The following SLC4A4 variants were observed in gnomAD, a reference collection of about 807,000 sequenced individuals.
SLC4A4 encodes the protein solute carrier family 4 member 4, also known as electrogenic sodium bicarbonate cotransporter 1.
Under a neutral mutation model 111.5 loss-of-function variants are expected in SLC4A4, and 27 were observed. The ratio of observed to expected loss-of-function variants is 0.24; its 90% CI spans 0.18 to 0.33. SLC4A4 has a LOEUF of 0.33. Among genes scored for constraint, SLC4A4 ranks in the 10% least tolerant of loss-of-function variants. SLC4A4 has a pLI of 1.00. For synonymous variants in SLC4A4, 443 were observed against 463.4 expected (o/e 0.96, Z 0.57); for missense variants, 909 against 1,315.5 (o/e 0.69, Z 4.78).
chr4:71,452,790 C>G (rs1159856764), intron 11 of SLC4A4, among the ~76,000 whole-genome samples: 1 of 152,182 alleles, frequency 6.6e-6, no homozygotes, highest in Non-Finnish European at 1.5e-5. Flanking sequence ...TTAGTTCCTT[C>G]AGGTCCTTAC....
intron 1 of SLC4A4, among the ~76,000 whole-genome samples, chr4:71,078,705 C>T (rs1741913217): frequency 6.6e-6 from 1 of 152,100 alleles, no homozygotes; most frequent in Non-Finnish European, 1.5e-5. Flanking sequence ...CATCTGAGTG[C>T]TAGGAAGGGC....
At chr4:71,192,079 C>T (rs775154859) in intron 1 of SLC4A4, among the ~76,000 whole-genome samples, 12 of 152,102 alleles carry the variant, frequency 7.9e-5, no homozygotes, top group Non-Finnish European at 1.5e-4. Context: ...ATATTGAAGA[C>T]GTCTTCTTAT....
At chr4:71,442,476 T>C (rs539602491) in intron 8 of SLC4A4, among the ~76,000 whole-genome samples, 1 of 152,330 alleles carries the variant, frequency 6.6e-6, no homozygotes, top group South Asian at 2.1e-4. Flanking sequence ...TCTGAACTAG[T>C]ACAAGCCTTA....
intron 1 of SLC4A4, among the ~76,000 whole-genome samples, chr4:71,067,094 T>C (rs1741536258): frequency 6.6e-6 from 1 of 151,120 alleles, no homozygotes; most frequent in Non-Finnish European, 1.5e-5. Flanking sequence ...CTACAACTTC[T>C]TCCTGAAAAT....
chr4:71,545,176 A>T (rs1365158056), intron 18 of SLC4A4, among the ~76,000 whole-genome samples: 1 of 151,998 alleles, frequency 6.6e-6, no homozygotes, highest in Admixed American at 6.6e-5. Flanking sequence ...GGACTAGGTG[A>T]ATACATGCTT....
chr4:71,255,189 A>G, intron 2 of SLC4A4, 31 bp from the exon 3 acceptor site: 1 of 1,605,924 alleles, frequency 6.2e-7, no homozygotes. Flanking sequence ...ATGTGGTTTG[A>G]ACTGACTGGT....
chr4:71,535,546 A>G (rs1734339579), intron 18 of SLC4A4, among the ~76,000 whole-genome samples: 1 of 152,162 alleles, frequency 6.6e-6, no homozygotes, highest in Non-Finnish European at 1.5e-5. Flanking sequence ...GCATGTGGCT[A>G]GCTCCCGAAG....
chr4:71,289,027 G>A (rs1724132542), intron 3 of SLC4A4, among the ~76,000 whole-genome samples: 2 of 152,184 alleles, frequency 1.3e-5, no homozygotes, highest in Admixed American at 1.3e-4. Flanking sequence ...CTTAAGCTGA[G>A]GCCTGGGCTG....
At chr4:71,232,500 C>G (rs1406696053) in intron 1 of SLC4A4, among the ~76,000 whole-genome samples, 1 of 152,132 alleles carries the variant, frequency 6.6e-6, no homozygotes, top group Non-Finnish European at 1.5e-5. Flanking sequence ...AAGTCTTGAA[C>G]TTCTGGGATC....
At chr4:71,387,267 G>A (rs1281226125) in intron 6 of SLC4A4, among the ~76,000 whole-genome samples, 2 of 152,130 alleles carry the variant, frequency 1.3e-5, no homozygotes, top group African/African-American at 2.4e-5. Flanking sequence ...ATGGTGTCAT[G>A]TTCTACTATT....
At chr4:71,511,720 CTTCT>C (rs1731938721) in intron 16 of SLC4A4, among the ~76,000 whole-genome samples, 2 of 151,858 alleles carry the variant, frequency 1.3e-5, no homozygotes. Flanking sequence ...GAATTTGATC[CTTCT>C]GTCTGTATCA....
intron 6 of SLC4A4, among the ~76,000 whole-genome samples, chr4:71,388,697 C>T (rs939784027): frequency 2.0e-5 from 3 of 152,064 alleles, no homozygotes; most frequent in African/African-American, 7.2e-5. Flanking sequence ...TACAGGTGTG[C>T]ACCACCTTGC....
chr4:71,527,840 A>T lies in SLC4A4; in HGVS notation c.2167-4222A>T, dbSNP rs190104091. On this transcript the variant is annotated intron_variant, in intron 16 of 25. Coordinates refer to ENST00000264485, the MANE Select transcript of SLC4A4 (RefSeq NM_001098484.3). ...AGAGTGGTCTAGCCTAGAAATATAA[A>T]TTTTTTGTTCTTTAGCATGTAAATG... Among the ~76,000 whole-genome samples the T allele has an allele frequency of 6.1e-4, 93 of 152,172 alleles. No individual in the cohort carries two copies. The East Asian group carries it at 0.016, about 26-fold the overall frequency.
At chr4:71,151,803 G>T (rs1361920013) in intron 2 of SLC4A4, among the ~76,000 whole-genome samples, 2 of 151,096 alleles carry the variant, frequency 1.3e-5, no homozygotes, top group African/African-American at 4.9e-5. Flanking sequence ...ACTCATGCCT[G>T]TAATCCCAGC....
intron 2 of SLC4A4, among the ~76,000 whole-genome samples, chr4:71,246,531 G>A (rs902321822): frequency 2.0e-5 from 3 of 152,294 alleles, no homozygotes; most frequent in Admixed American, 6.5e-5. Flanking sequence ...AAGACTGGCT[G>A]CAGCATTTGA....
At chr4:71,312,493 C>A (rs1011233803) in intron 3 of SLC4A4, among the ~76,000 whole-genome samples, 2 of 152,194 alleles carry the variant, frequency 1.3e-5, no homozygotes, top group Non-Finnish European at 2.9e-5. Flanking sequence ...AGGCCAATAT[C>A]CCTGATGAAC....
chr4:71,513,196 G>C (rs1163347347), intron 16 of SLC4A4, among the ~76,000 whole-genome samples: 4 of 151,970 alleles, frequency 2.6e-5, no homozygotes, highest in Admixed American at 1.3e-4. Flanking sequence ...TTTTGAAACA[G>C]ATCGCATTGA....
At chr4:71,235,281 G>A (rs1719722884) in intron 1 of SLC4A4, among the ~76,000 whole-genome samples, 1 of 152,142 alleles carries the variant, frequency 6.6e-6, no homozygotes. Flanking sequence ...TTTGTGAGAT[G>A]GATATGCTTC....
rs114440476 is a variant in SLC4A4, at chr4:71,340,593, A to G, written c.389+1088A>G. The stretch of plus-strand genomic sequence containing the variant: ...CCCCTGTGAATAAGGGGACTACTGT[A>G]TTTCAAGTATAAACCTGTAATCTTT... On this transcript the variant is annotated intron_variant, in intron 4 of 25. Coordinates refer to ENST00000264485, the MANE Select transcript of SLC4A4 (RefSeq NM_001098484.3). Among the ~76,000 whole-genome samples the G allele has an allele frequency of 9.1e-3, 1,391 of 152,250 alleles. 23 individuals carry two copies. The highest frequency in any genetic ancestry group is 0.032 in the African/African-American group (1,338 of 41,536).
Sources: allele counts gnomAD v4.1 joint callset (sites outside exome capture counted in the v4.1 genomes callset), GRCh38; gene constraint gnomAD v4.1.1; transcripts MANE v1.5; gene names NCBI Gene and HGNC (gene_info 2026-07-23, HGNC 2026-07-21).